ERICH3: variants seen among roughly 807,000 people sequenced by gnomAD.
ERICH3 encodes glutamate-rich protein 3.
Under a neutral mutation model 131.1 loss-of-function variants are expected in ERICH3, and 126 were observed. That is an observed-to-expected ratio of 0.96 (90% CI 0.83 to 1.11). The LOEUF is 1.11. Ranked by LOEUF, ERICH3 falls within the 50% of genes most tolerant of loss-of-function variation. The pLI, the probability that ERICH3 is intolerant of heterozygous loss-of-function variation, is 0.00. For missense variants in ERICH3, 2,050 were observed against 1,810.7 expected (o/e 1.13, Z -2.40); for synonymous variants, 695 against 644.6 (o/e 1.08, Z -1.18).
At position 74,661,702 on chromosome 1, in the gene ERICH3, T is replaced by G. The variant is rs554089132; in HGVS notation, c.23+11795A>C. On this transcript the variant is annotated intron_variant, in intron 1 of 14. Transcript: ENST00000326665. ...AAGCAACATATACTTTACACAAAGA[T>G]CAAAATAAATACACAATAGGTGCCA... Among the ~76,000 whole-genome samples, 13 of 152,272 alleles carry G rather than the reference T, an allele frequency of 8.5e-5. No homozygotes were observed. The South Asian group carries it at 2.7e-3, about 32-fold the overall frequency.
chr1:74,618,525 T>C (rs184986713), intron 8 of ERICH3, among the ~76,000 whole-genome samples: 1 of 152,192 alleles, frequency 6.6e-6, no homozygotes, highest in African/African-American at 2.4e-5. Flanking sequence ...CAGAAAAAAA[T>C]TGTTACTTTA....
At chr1:74,621,724 T>G (rs1649228090) in intron 7 of ERICH3, 1 of 152,158 alleles carries the variant, frequency 6.6e-6, no homozygotes, top group Non-Finnish European at 1.5e-5. Flanking sequence ...TCCTAATTAA[T>G]TGTTTGAAAT....
rs982728189 is a variant in ERICH3, at chr1:74,668,942, T to C, written c.23+4555A>G. Among the ~76,000 whole-genome samples the C allele has an allele frequency of 3.3e-5, 5 of 152,278 alleles. No individual in the cohort carries two copies. In the East Asian group the frequency reaches 9.6e-4, roughly 29 times the overall value. Reference sequence around the variant, plus strand: ...TAACAAACAGACTAGAATGTTACTGTAGCTATCCAAAGTACATCCCAGTTT... The same window carrying C: ...TAACAAACAGACTAGAATGTTACTGCAGCTATCCAAAGTACATCCCAGTTT... On this transcript the variant is annotated intron_variant, in intron 1 of 14. Coordinates refer to ENST00000326665, the MANE Select transcript of ERICH3 (RefSeq NM_001002912.5).
intron 9 of ERICH3, among the ~76,000 whole-genome samples, chr1:74,610,933 T>C (rs966951552): frequency 2.6e-5 from 4 of 152,148 alleles, no homozygotes; most frequent in Non-Finnish European, 5.9e-5. Flanking sequence ...TCCAAGATAC[T>C]ACTCTCTCTA....
Position 74,649,317 on chromosome 1 carries a change from T to G in ERICH3, c.24-2A>C. ...AGGCTATTATATGCAGCAAGTAACC[T>G]AAAATACAAAAATAAAACCAATAAG... On this transcript the variant is annotated splice_acceptor_variant, in intron 1 of 14. Coordinates refer to ENST00000326665, the MANE Select transcript of ERICH3 (RefSeq NM_001002912.5). LOFTEE classifies it high-confidence loss of function. 2 of 1,605,562 alleles carry G rather than the reference T, an allele frequency of 1.2e-6. No individual in the cohort carries two copies. Among genetic ancestry groups the G allele is most frequent in the Admixed American group, 3.4e-5 (2 of 59,120 alleles).
In ERICH3 at chr1:74,572,835, T is replaced by C. The variant is rs199507268; in HGVS notation, c.2875A>G (p.Met959Val). 19 of 1,613,776 alleles carry C rather than the reference T, an allele frequency of 1.2e-5. No homozygotes were observed. The highest frequency in any genetic ancestry group is 5.9e-6 in the Non-Finnish European group (7 of 1,180,030). ...ASIDLEDTGP[M>V]EDTASKREDG... ...TCTCTCTTTGATGCTGTGTCCTCCA[T>C]GGGTCCTGTGTCCTCTAGGTCTATG... The change falls in exon 14 of 15, where the codon ATG (methionine) becomes GTG (valine). Residue 959 changes from methionine to valine, a missense_variant. Met to Val is a conservative substitution (Grantham distance 21). Coordinates refer to ENST00000326665, the MANE Select transcript of ERICH3 (RefSeq NM_001002912.5).
chr1:74,635,126 ATG>A (rs1646377578), intron 6 of ERICH3, among the ~76,000 whole-genome samples: 1 of 152,104 alleles, frequency 6.6e-6, no homozygotes, highest in South Asian at 2.1e-4. Context: ...GTCTCACAAG[ATG>A]TGACTATTCC....
intron 4 of ERICH3, among the ~76,000 whole-genome samples, chr1:74,642,655 A>G (rs748746348): frequency 2.6e-5 from 4 of 152,132 alleles, no homozygotes; most frequent in Non-Finnish European, 5.9e-5. Flanking sequence ...TCATTGTATC[A>G]TTCCTAAAAA....
chr1:74,573,302 G>C lies in ERICH3; in HGVS notation c.2408C>G (p.Ala803Gly), dbSNP rs759078598. The change falls in exon 14 of 15, where the codon GCT (alanine) becomes GGT (glycine). Residue 803 changes from alanine to glycine, a missense_variant. Ala to Gly is a moderately conservative substitution (Grantham distance 60). Transcript: ENST00000326665. ...CGCCCTCAAGGGAGCCTCATGAACA[G>C]CTCCTGCTTCTCCCCACAGTGCTGC... ...GEAALWGEAG[A>G]VHEAPLRAWK... 1 of 1,601,014 alleles carries C rather than the reference G, an allele frequency of 6.2e-7. No individual in the cohort carries two copies. Among genetic ancestry groups the C allele is most frequent in the Non-Finnish European group, 8.5e-7 (1 of 1,174,804 alleles).
At chr1:74,671,984 T>G (rs1646747111) in intron 1 of ERICH3, among the ~76,000 whole-genome samples, 1 of 152,206 alleles carries the variant, frequency 6.6e-6, no homozygotes, top group South Asian at 2.1e-4. Context: ...TACTCTTGCA[T>G]TAAATCACAA....
At chr1:74,595,787 T>C (rs1039713524) in intron 11 of ERICH3, among the ~76,000 whole-genome samples, 20 of 152,102 alleles carry the variant, frequency 1.3e-4, no homozygotes, top group African/African-American at 4.6e-4. Flanking sequence ...CCTGAAGTTA[T>C]GCCTTCCTAC....
intron 12 of ERICH3, among the ~76,000 whole-genome samples, chr1:74,584,315 T>C (rs1482107730): frequency 6.6e-6 from 1 of 152,226 alleles, no homozygotes; most frequent in Non-Finnish European, 1.5e-5. Flanking sequence ...ATCATGCCAT[T>C]GTGGTCTCAC....
At chr1:74,583,561 G>A (rs576977257) in intron 12 of ERICH3, among the ~76,000 whole-genome samples, 3 of 152,088 alleles carry the variant, frequency 2.0e-5, no homozygotes, top group African/African-American at 4.8e-5. Flanking sequence ...TTAACCATGA[G>A]TAACTGAAAC....
chr1:74,599,356 A>C (rs1159476700), intron 11 of ERICH3, among the ~76,000 whole-genome samples: 2 of 151,934 alleles, frequency 1.3e-5, no homozygotes, highest in Non-Finnish European at 2.9e-5. Context: ...TCATACTGTC[A>C]TGAGTGGGAG....
chr1:74,662,855 T>G (rs942095954), intron 1 of ERICH3, among the ~76,000 whole-genome samples: 6 of 152,120 alleles, frequency 3.9e-5, no homozygotes, highest in African/African-American at 1.4e-4. Flanking sequence ...TTTTACTATT[T>G]AAAAATGTTT....
intron 1 of ERICH3, among the ~76,000 whole-genome samples, chr1:74,667,810 G>A (rs761832517): frequency 2.0e-5 from 3 of 152,100 alleles, no homozygotes; most frequent in South Asian, 2.1e-4. Context: ...AGTTGATATC[G>A]TTTGGCTCTG....
chr1:74,625,099 A>C (rs897330069), intron 7 of ERICH3: 1 of 152,072 alleles, frequency 6.6e-6, no homozygotes, highest in African/African-American at 2.4e-5. Context: ...ATTATTCTGG[A>C]TGGATCCCTG....
chr1:74,600,605 C>T (rs1289849334), intron 10 of ERICH3, among the ~76,000 whole-genome samples: 4 of 151,830 alleles, frequency 2.6e-5, no homozygotes, highest in Non-Finnish European at 1.5e-5. Flanking sequence ...CACATATTTG[C>T]TTTATTCCCT....
chr1:74,586,181 A>G (rs568002258), intron 12 of ERICH3, among the ~76,000 whole-genome samples: 13 of 152,248 alleles, frequency 8.5e-5, no homozygotes, highest in African/African-American at 2.4e-4. Flanking sequence ...CTGTGGCAAT[A>G]TAAGAATAAC....
Sources: allele counts gnomAD v4.1 joint callset (sites outside exome capture counted in the v4.1 genomes callset), GRCh38; gene constraint gnomAD v4.1.1; transcripts MANE v1.5; gene names NCBI Gene and HGNC (gene_info 2026-07-23, HGNC 2026-07-21).